The following ABCC1 variants were observed in gnomAD, a reference collection of about 807,000 sequenced individuals.
ABCC1 encodes the protein ATP binding cassette subfamily C member 1 (ABCC1 blood group), also known as multidrug resistance-associated protein 1.
Under a neutral mutation model 172.9 loss-of-function variants are expected in ABCC1, and 83 were observed. That is an observed-to-expected ratio of 0.48 (90% CI 0.40 to 0.58). The LOEUF is 0.58. Among genes scored for constraint, ABCC1 ranks in the 20% least tolerant of loss-of-function variants. The pLI is 0.00. For missense variants in ABCC1, 1,817 were observed against 2,002.7 expected, an observed-to-expected ratio of 0.91 and a Z score of 1.77; for synonymous variants, 937 against 825.2, an observed-to-expected ratio of 1.14 and a Z score of -2.32.
chr16:16,038,387 A>G (rs2048837037), intron 7 of ABCC1, among the ~76,000 whole-genome samples: 1 of 152,194 alleles, frequency 6.6e-6, no homozygotes, highest in Non-Finnish European at 1.5e-5. Context: ...CAAAGGCCTG[A>G]GAACCTGGAG....
intron 1 of ABCC1, among the ~76,000 whole-genome samples, chr16:16,004,121 G>A (rs1404516988): frequency 6.6e-6 from 1 of 152,052 alleles, no homozygotes; most frequent in East Asian, 1.9e-4. Flanking sequence ...CTATGATAGG[G>A]AGGACTGGCT....
intron 1 of ABCC1, among the ~76,000 whole-genome samples, chr16:16,007,460 A>C (rs543646847): frequency 6.6e-6 from 1 of 152,224 alleles, no homozygotes; most frequent in Admixed American, 6.5e-5. Flanking sequence ...CCCAGCCTAA[A>C]GTGGTCTGCC....
chr16:15,957,764 T>A (rs1301976698), intron 1 of ABCC1, among the ~76,000 whole-genome samples: 5 of 152,170 alleles, frequency 3.3e-5, no homozygotes, highest in Non-Finnish European at 7.3e-5. Flanking sequence ...AGCTAATTTT[T>A]GTGTTTTTGA....
chr16:16,021,214 C>T (rs546812052), intron 5 of ABCC1, among the ~76,000 whole-genome samples: 1 of 152,206 alleles, frequency 6.6e-6, no homozygotes, highest in African/African-American at 2.4e-5. Context: ...GATTAAGCTG[C>T]TTCTCTGCCT....
At chr16:15,979,067 C>T (rs768271749) in intron 1 of ABCC1, among the ~76,000 whole-genome samples, 16 of 151,940 alleles carry the variant, frequency 1.1e-4, no homozygotes, top group Non-Finnish European at 1.8e-4. Flanking sequence ...CCCAGGTGGG[C>T]GGATCATGAG....
intron 1 of ABCC1, among the ~76,000 whole-genome samples, chr16:15,953,828 G>T (rs983262821): frequency 5.9e-5 from 9 of 152,036 alleles, no homozygotes; most frequent in Non-Finnish European, 1.3e-4. Context: ...AAGCTATTAG[G>T]AATTCCTCTT....
chr16:15,975,782 C>G (rs946325155), intron 1 of ABCC1, among the ~76,000 whole-genome samples: 3 of 151,856 alleles, frequency 2.0e-5, no homozygotes, highest in Non-Finnish European at 4.4e-5. Context: ...TCTGGAACTC[C>G]CAACCTCAGG....
At chr16:15,986,998 C>A (rs1258736126) in intron 1 of ABCC1, among the ~76,000 whole-genome samples, 1 of 152,102 alleles carries the variant, frequency 6.6e-6, no homozygotes, top group South Asian at 2.1e-4. Context: ...AACCCCATCT[C>A]TCCTAAAAAT....
Position 16,103,042 on chromosome 16 carries a change from C to T in ABCC1, c.2735+325C>T, listed in dbSNP as rs1037049764. On this transcript the variant is annotated intron_variant, in intron 20 of 30. Transcript: ENST00000399410. ...CCTGGAAGGTTCAGGCTTTGTGAAG[C>T]AGCATTTGATTTAAAACTGTCTCAA... Among the ~76,000 whole-genome samples the T allele has an allele frequency of 7.2e-5, 11 of 152,264 alleles. No individual in the cohort carries two copies. The East Asian group carries it at 1.5e-3, about 21-fold the overall frequency.
chr16:16,083,472 T>C lies in ABCC1; in HGVS notation c.2222T>C (p.Ile741Thr), dbSNP rs755552612. The change falls in exon 17 of 31, where the codon ATA becomes ACA. Residue 741 changes from isoleucine to threonine, a missense_variant. Around this residue, in one of 3 missense-constraint regions of ABCC1, gnomAD observed 1,412 missense variants for 1,600.3 expected, o/e 0.88. Transcript: ENST00000399410. The part of the protein sequence containing the change: ...QLEEPYYRSV[I>T]QACALLPDLE... ...GAGGAACCATATTACAGGTCCGTGA[T>C]ACAGGCCTGTGCCCTCCTCCCAGAC... is the stretch of plus-strand genomic sequence containing the variant. 1.2e-6 allele frequency: 2 copies of C among 1,613,990 alleles called. No individual in the cohort carries two copies. Among genetic ancestry groups the C allele is most frequent in the Non-Finnish European group, 1.7e-6 (2 of 1,180,038 alleles).
chr16:16,107,868 T>C (rs1187252514), intron 21 of ABCC1, among the ~76,000 whole-genome samples: 1 of 150,376 alleles, frequency 6.6e-6, no homozygotes, highest in African/African-American at 2.4e-5. Context: ...AGGTAAAAAA[T>C]AAGCATGCAG....
At chr16:16,048,428 C>A in intron 10 of ABCC1, 125 bp downstream of exon 10, 1 of 1,164,068 alleles carries the variant, frequency 8.6e-7, no homozygotes, top group Non-Finnish European at 1.2e-6. Context: ...GGCTGTGGTT[C>A]ATATTTTATT....
chr16:16,004,656 AC>A (rs1278091357), intron 1 of ABCC1, among the ~76,000 whole-genome samples: 2 of 104,640 alleles, frequency 1.9e-5, no homozygotes, highest in African/African-American at 6.7e-5. Context: ...TGTAAGGTTT[AC>A]TTTTTTTTTT....
intron 7 of ABCC1, among the ~76,000 whole-genome samples, chr16:16,039,144 G>T (rs959697787): frequency 2.6e-5 from 4 of 151,966 alleles, no homozygotes; most frequent in Non-Finnish European, 5.9e-5. Flanking sequence ...AGAAGCTTTG[G>T]AGAATGATGG....
chr16:15,984,661 G>T (rs1462304253), intron 1 of ABCC1, among the ~76,000 whole-genome samples: 2 of 151,946 alleles, frequency 1.3e-5, no homozygotes, highest in African/African-American at 4.8e-5. Flanking sequence ...GGCTGGGCTG[G>T]TCTCGAACCC....
At chr16:16,098,488 G>T (rs577992273) in intron 19 of ABCC1, among the ~76,000 whole-genome samples, 55 of 152,274 alleles carry the variant, frequency 3.6e-4, no homozygotes, top group African/African-American at 9.9e-4. Context: ...GTGTGGTGGC[G>T]GGCACCTGTA....
chr16:16,034,032 T>C (rs1597147460), intron 6 of ABCC1, among the ~76,000 whole-genome samples: 2 of 137,202 alleles, frequency 1.5e-5, no homozygotes, highest in South Asian at 4.7e-4. Context: ...TCTTTTTTTT[T>C]TTTTTTTTTT....
At chr16:16,001,361 C>T (rs1049154522) in intron 1 of ABCC1, among the ~76,000 whole-genome samples, 15 of 152,052 alleles carry the variant, frequency 9.9e-5, no homozygotes, top group Non-Finnish European at 1.5e-4. Flanking sequence ...TACAGGCGCC[C>T]GCCACCACGC....
intron 10 of ABCC1, among the ~76,000 whole-genome samples, chr16:16,051,403 C>A (rs2049423601): frequency 6.6e-6 from 1 of 152,026 alleles, no homozygotes; most frequent in Non-Finnish European, 1.5e-5. Context: ...GAACTTCTAC[C>A]CTCAAGCTAT....
Sources: allele counts gnomAD v4.1 joint callset (sites outside exome capture counted in the v4.1 genomes callset), GRCh38; gene constraint gnomAD v4.1.1; regional missense constraint gnomAD v4.1.1; transcripts MANE v1.5; gene names NCBI Gene and HGNC (gene_info 2026-07-23, HGNC 2026-07-21).